Variants in MAML3 observed in about 807,000 individuals in gnomAD.
The protein encoded by MAML3 is mastermind like transcriptional coactivator 3.
In MAML3, 27 loss-of-function variants were observed where a neutral mutation model predicts 101.9. The ratio of observed to expected loss-of-function variants is 0.27; its 90% CI spans 0.20 to 0.37. MAML3 has a LOEUF of 0.37. Ranked by LOEUF, MAML3 falls within the 10% of genes least tolerant of loss-of-function variation. The probability of loss-of-function intolerance (pLI) is 1.00; values close to 1 mark genes in which losing one functional copy is unlikely to be tolerated. For missense variants in MAML3, 1,316 were observed against 1,444.9 expected (o/e 0.91, Z 1.45); for synonymous variants, 501 against 555.9 (o/e 0.90, Z 1.39).
At chr4:139,800,045 C>T (rs1401602919) in intron 2 of MAML3, among the ~76,000 whole-genome samples, 1 of 152,032 alleles carries the variant, frequency 6.6e-6, no homozygotes, top group Non-Finnish European at 1.5e-5. Context: ...TTTATTCTTC[C>T]ACAACACTAA....
intron 3 of MAML3, among the ~76,000 whole-genome samples, chr4:139,729,708 T>C (rs962833569): frequency 2.0e-5 from 3 of 152,190 alleles, no homozygotes; most frequent in Non-Finnish European, 4.4e-5. Context: ...ACAAAACAAA[T>C]TGAAATCTAC....
At chr4:139,861,430 T>A (rs1406490087) in intron 2 of MAML3, among the ~76,000 whole-genome samples, 2 of 151,300 alleles carry the variant, frequency 1.3e-5, no homozygotes, top group African/African-American at 2.4e-5. Flanking sequence ...ATCCTATCAC[T>A]ATTCTCTGTG....
intron 1 of MAML3, 65 bp downstream of exon 1, chr4:140,152,795 C>T: frequency 1.3e-6 from 2 of 1,560,844 alleles, no homozygotes; most frequent in South Asian, 1.2e-5. Context: ...AGAAGCTCCA[C>T]GCGCCCCCCA....
chr4:139,944,511 A>C (rs1384579457), intron 1 of MAML3, among the ~76,000 whole-genome samples: 2 of 152,152 alleles, frequency 1.3e-5, no homozygotes, highest in African/African-American at 4.8e-5. Context: ...ACATGAACTC[A>C]TCATTTTTTA....
chr4:140,134,119 A>T (rs1007267436), intron 1 of MAML3: 1 of 456,724 alleles, frequency 2.2e-6, no homozygotes, highest in Non-Finnish European at 4.4e-6. Flanking sequence ...TGCTCAGGGC[A>T]AGAAGAGTCA....
At chr4:140,139,004 G>A (rs889832341) in intron 1 of MAML3, among the ~76,000 whole-genome samples, 2 of 152,194 alleles carry the variant, frequency 1.3e-5, no homozygotes, top group African/African-American at 4.8e-5. Context: ...AGGCAGAGTG[G>A]CTCATGCCTG....
At chr4:140,128,181 A>G (rs748524150) in intron 1 of MAML3, 1 of 152,138 alleles carries the variant, frequency 6.6e-6, no homozygotes, top group Non-Finnish European at 1.5e-5. Context: ...CCTACCTTCA[A>G]TTAAGATGGT....
chr4:139,845,454 G>A (rs1731427124), intron 2 of MAML3, among the ~76,000 whole-genome samples: 1 of 152,182 alleles, frequency 6.6e-6, no homozygotes, highest in African/African-American at 2.4e-5. Flanking sequence ...TAAGTGCAAG[G>A]AAATCATATT....
intron 1 of MAML3, among the ~76,000 whole-genome samples, chr4:139,993,696 C>T (rs1352329836): frequency 5.3e-5 from 8 of 151,790 alleles, no homozygotes; most frequent in African/African-American, 7.3e-5. Flanking sequence ...GGTGTGGTGG[C>T]GGGCACCTGT....
At chr4:139,957,096 G>A (rs769999287) in intron 1 of MAML3, among the ~76,000 whole-genome samples, 7 of 152,152 alleles carry the variant, frequency 4.6e-5, no homozygotes, top group Non-Finnish European at 1.0e-4. Flanking sequence ...CAGGAGTTAG[G>A]CCCAGTCTAC....
At chr4:139,981,740 T>C (rs1358803348) in intron 1 of MAML3, among the ~76,000 whole-genome samples, 4 of 152,050 alleles carry the variant, frequency 2.6e-5, no homozygotes, top group Admixed American at 1.3e-4. Flanking sequence ...AGATAACCAG[T>C]TTGGAGAGGA....
chr4:139,763,605 AG>A (rs1262870442), intron 2 of MAML3, among the ~76,000 whole-genome samples: 1 of 88,262 alleles, frequency 1.1e-5, no homozygotes, highest in Non-Finnish European at 3.0e-5. Context: ...AATCCTGTTC[AG>A]CATTGGATTA....
intron 2 of MAML3, among the ~76,000 whole-genome samples, chr4:139,747,378 T>C (rs1190278268): frequency 6.6e-6 from 1 of 152,200 alleles, no homozygotes; most frequent in Non-Finnish European, 1.5e-5. Flanking sequence ...GAATGAATTC[T>C]AGGGGGAAGA....
At chr4:140,121,544 A>G (rs893336329) in intron 1 of MAML3, among the ~76,000 whole-genome samples, 8 of 152,250 alleles carry the variant, frequency 5.3e-5, no homozygotes, top group Admixed American at 2.6e-4. Context: ...TCATTGTTAT[A>G]TACTAGCCAC....
intron 2 of MAML3, among the ~76,000 whole-genome samples, chr4:139,855,155 G>A (rs1323852663): frequency 6.6e-6 from 1 of 152,188 alleles, no homozygotes; most frequent in Non-Finnish European, 1.5e-5. Flanking sequence ...ATCAGAGGAT[G>A]AATGGGGTAT....
intron 1 of MAML3, among the ~76,000 whole-genome samples, chr4:140,077,743 G>A (rs1000914069): frequency 2.0e-5 from 3 of 152,142 alleles, no homozygotes; most frequent in Non-Finnish European, 2.9e-5. Context: ...AGAGGGGCCG[G>A]GTATGGTGGC....
intron 1 of MAML3, among the ~76,000 whole-genome samples, chr4:140,025,618 A>G (rs1159026834): frequency 6.6e-6 from 1 of 152,186 alleles, no homozygotes; most frequent in Admixed American, 6.5e-5. Flanking sequence ...AATAAAGGGA[A>G]GAGCATAGGG....
At chr4:139,754,079 G>T (rs968387568) in intron 2 of MAML3, among the ~76,000 whole-genome samples, 44 of 152,190 alleles carry the variant, frequency 2.9e-4, no homozygotes, top group Non-Finnish European at 2.4e-4. Flanking sequence ...GATAATTATA[G>T]ACTAAAATAT....
chr4:140,058,415 A>C (rs1727389386), intron 1 of MAML3, among the ~76,000 whole-genome samples: 1 of 152,182 alleles, frequency 6.6e-6, no homozygotes, highest in African/African-American at 2.4e-5. Context: ...ATTTTTAAAA[A>C]TTACTAATTT....
Sources: gnomAD v4.1 joint callset for allele counts (sites outside exome capture counted in the v4.1 genomes callset) on GRCh38, gnomAD v4.1.1 for gene constraint, MANE v1.5 for transcripts, NCBI Gene and HGNC (gene_info 2026-07-23, HGNC 2026-07-21) for gene names.